Variants in USP9Y observed in about 807,000 individuals in gnomAD.
USP9Y encodes ubiquitin specific peptidase 9 Y-linked, also known as ubiquitin carboxyl-terminal hydrolase 9Y.
Under a neutral mutation model 53.1 loss-of-function variants are expected in USP9Y, and 41 were observed. The ratio of observed to expected loss-of-function variants is 0.77; its 90% CI spans 0.60 to 1.00. USP9Y has a LOEUF of 1.00. Ranked by LOEUF, USP9Y falls within the 50% of genes least tolerant of loss-of-function variation. USP9Y has a pLI of 0.00. For missense variants in USP9Y, 567 were observed against 535.8 expected, an observed-to-expected ratio of 1.06 and a Z score of -0.58; for synonymous variants, 220 against 173.7, an observed-to-expected ratio of 1.27 and a Z score of -2.09.
chrY:12,857,237 G>C, intron 44 of USP9Y: 2 of 64,878 alleles, frequency 3.1e-5, no homozygotes, highest in Non-Finnish European at 6.3e-5. Flanking sequence ...CTCCCGAGTA[G>C]CTGGGATTAC....
At chrY:12,755,565 T>C in intron 12 of USP9Y, among the ~76,000 whole-genome samples, 1 of 33,723 alleles carries the variant, frequency 3.0e-5, no homozygotes, top group Non-Finnish European at 7.3e-5. Context: ...TTTTCATTTC[T>C]CTGTGTTTAT....
chrY:12,859,912 T>C lies in USP9Y; in HGVS notation c.*496T>C. 1 of 35,270 alleles carries C rather than the reference T, an allele frequency of 2.8e-5. No homozygotes were observed. Among genetic ancestry groups the C allele is most frequent in the Non-Finnish European group, 7.0e-5 (1 of 14,334 alleles). The allele number at this position is 35,270 out of a possible 400,897, so 8.8% of individuals were successfully genotyped here. ...TTCTTTCCTGGATATATAAGGCTGG[T>C]GGTAACTTTTGAATTATATGGTTGA... On this transcript the variant is annotated 3_prime_UTR_variant, in exon 46 of 46. Coordinates refer to ENST00000338981, the MANE Select transcript of USP9Y (RefSeq NM_004654.4).
intron 37 of USP9Y, 137 bp from the exon 38 acceptor site, chrY:12,842,103 G>A (rs2053561683): frequency 5.7e-6 from 1 of 176,529 alleles, no homozygotes; most frequent in African/African-American, 8.7e-5. Flanking sequence ...TCTGATATTT[G>A]TACTAAAACC....
At chrY:12,722,053 T>C in intron 4 of USP9Y, 55 bp from the exon 5 acceptor site, 1 of 305,090 alleles carries the variant, frequency 3.3e-6, no homozygotes, top group Non-Finnish European at 5.0e-6. Context: ...TTATTTATAG[T>C]GTTCCTTTAC....
chrY:12,839,009 G>A (rs2053557803), intron 35 of USP9Y, among the ~76,000 whole-genome samples: 1 of 33,800 alleles, frequency 3.0e-5, no homozygotes, highest in African/African-American at 1.1e-4. Flanking sequence ...ACTTCTGACA[G>A]TTGGGACTAT....
chrY:12,726,729 C>A lies in USP9Y; in HGVS notation c.593C>A (p.Ser198Tyr). 2.5e-6 allele frequency: 1 copy of A among 398,688 alleles called. No homozygotes were observed. Among genetic ancestry groups the A allele is most frequent in the Non-Finnish European group, 3.5e-6 (1 of 283,356 alleles). The change falls in exon 7 of 46, where the codon TCC (serine) becomes TAC (tyrosine). Residue 198 changes from serine (S) to tyrosine (Y), a missense_variant. Ser to Tyr is a moderately radical substitution (Grantham distance 144, BLOSUM62 -2). Transcript: ENST00000338981. The part of the protein sequence containing the change: ...YNGTRPCELI[S>Y]SNAQLPEDEL... Reference sequence around the variant, plus strand: ...GGTACACGTCCGTGTGAATTAATTTCCTCAAATGCTCAGTTGCCTGAAGAT... The same window carrying A: ...GGTACACGTCCGTGTGAATTAATTTACTCAAATGCTCAGTTGCCTGAAGAT...
intron 7 of USP9Y, among the ~76,000 whole-genome samples, chrY:12,727,581 A>T (rs920247964): frequency 1.5e-4 from 5 of 33,186 alleles, no homozygotes; most frequent in Admixed American, 1.4e-3. Context: ...GCTATTTCAT[A>T]TCTCAAAGTC....
chrY:12,775,956 C>T (rs774419026), intron 18 of USP9Y, among the ~76,000 whole-genome samples: 1 of 31,184 alleles, frequency 3.2e-5, no homozygotes, highest in Admixed American at 3.0e-4. Context: ...TATCTCCCTG[C>T]CTCTGATTAT....
chrY:12,815,506 G>A, intron 31 of USP9Y, among the ~76,000 whole-genome samples: 1 of 33,919 alleles, frequency 2.9e-5, no homozygotes, highest in South Asian at 6.5e-4. Flanking sequence ...AATTACAGTC[G>A]TGAGCCACCA....
At chrY:12,720,866 T>G in intron 4 of USP9Y, 129 bp downstream of exon 4, 1 of 200,202 alleles carries the variant, frequency 5.0e-6, no homozygotes, top group African/African-American at 7.8e-5. Flanking sequence ...AGTCTTACTA[T>G]TTTAATAGCC....
At chrY:12,720,296 G>A (rs2053434435) in intron 3 of USP9Y, among the ~76,000 whole-genome samples, 1 of 31,877 alleles carries the variant, frequency 3.1e-5, no homozygotes, top group African/African-American at 1.2e-4. Context: ...CTACTCAGGA[G>A]GCTGAGGCAG....
chrY:12,726,645 C>T lies in USP9Y; in HGVS notation c.509C>T (p.Pro170Leu), dbSNP rs752705440. 5.0e-6 allele frequency: 2 copies of T among 398,168 alleles called. No individual in the cohort carries two copies. Among genetic ancestry groups the T allele is most frequent in the Non-Finnish European group, 7.1e-6 (2 of 283,226 alleles). The change falls in exon 7 of 46, where the codon CCA (proline) becomes CTA (leucine). Residue 170 changes from proline (P) to leucine (L), a missense_variant. Coordinates refer to ENST00000338981, the MANE Select transcript of USP9Y (RefSeq NM_004654.4). Reference protein sequence around the residue: ...CVAKLSQDWFPLLELLAMALN... With the variant: ...CVAKLSQDWFLLLELLAMALN... ...GCCAAGTTGTCCCAAGATTGGTTTC[C>T]ACTTCTAGAACTTCTCGCCATGGCC...
chrY:12,711,196 C>T, intron 3 of USP9Y, among the ~76,000 whole-genome samples: 2 of 33,188 alleles, frequency 6.0e-5, no homozygotes, highest in Non-Finnish European at 1.5e-4. Context: ...TGGTTCTTAA[C>T]AGGACACGGA....
chrY:12,723,949 T>G, intron 5 of USP9Y, among the ~76,000 whole-genome samples: 1 of 33,688 alleles, frequency 3.0e-5, no homozygotes, highest in African/African-American at 1.2e-4. Flanking sequence ...TAGTGACCTC[T>G]GAAAATATTT....
At chrY:12,805,931 T>A (rs2053524022) in intron 27 of USP9Y, among the ~76,000 whole-genome samples, 2 of 33,288 alleles carry the variant, frequency 6.0e-5, no homozygotes, top group Non-Finnish European at 1.5e-4. Flanking sequence ...ATCCATTTTT[T>A]AAAAATGCAT....
At chrY:12,846,573 A>G in intron 40 of USP9Y, 55 bp downstream of exon 40, 1 of 327,103 alleles carries the variant, frequency 3.1e-6, no homozygotes, top group Non-Finnish European at 4.5e-6. Flanking sequence ...TGCTAGCTTT[A>G]TGTAGCACTT....
Position 12,818,604 on chromosome Y carries a change from A to T in USP9Y, c.5015A>T (p.Gln1672Leu). Residue 1672 changes from glutamine (Q) to leucine (L), a missense_variant, in exon 33 of 46, where the codon CAG becomes CTG. Transcript: ENST00000338981. ...TATGTACCCAGAGGATTTTGGAAAC[A>T]GTTCAGGTAAATTATGGGTGGGTGA... ...QYYVPRGFWKQFRLWGEPVNL... is the reference protein window; with the variant it reads ...QYYVPRGFWKLFRLWGEPVNL... 5.0e-6 allele frequency: 2 copies of T among 397,079 alleles called. No individual in the cohort carries two copies.
chrY:12,750,877 A>G (rs915346418), intron 12 of USP9Y, among the ~76,000 whole-genome samples: 1 of 33,547 alleles, frequency 3.0e-5, no homozygotes, highest in African/African-American at 1.2e-4. Flanking sequence ...GAAACTGCCA[A>G]ACTGTTTTCC....
Position 12,771,110 on chromosome Y carries a change from G to A in USP9Y, c.1943G>A (p.Arg648Gln). 1 of 397,057 alleles carries A rather than the reference G, an allele frequency of 2.5e-6. No individual in the cohort carries two copies. Among genetic ancestry groups the A allele is most frequent in the South Asian group, 3.0e-5 (1 of 33,460 alleles). The change falls in exon 16 of 46, where the codon CGA becomes CAA. Residue 648 changes from arginine to glutamine, a missense_variant. Physicochemically the swap from Arg to Gln is conservative, Grantham distance 43. Coordinates refer to ENST00000338981, the MANE Select transcript of USP9Y (RefSeq NM_004654.4). ...YDPQTVRLGS[R>Q]YSHVQEVQER... ...CCACAAACAGTGAGGCTTGGAAGTC[G>A]ATACAGTCATGTTCAAGAAGTTCAA...
Sources: gnomAD v4.1 joint callset for allele counts (sites outside exome capture counted in the v4.1 genomes callset) on GRCh38, gnomAD v4.1.1 for gene constraint, MANE v1.5 for transcripts, NCBI Gene and HGNC (gene_info 2026-07-23, HGNC 2026-07-21) for gene names.